The following UTRN variants were observed in gnomAD, a reference collection of about 807,000 sequenced individuals.
UTRN encodes the protein dystrophin-related protein 1.
Under a neutral mutation model 463.9 loss-of-function variants are expected in UTRN, and 283 were observed. The observed-to-expected ratio is 0.61, with a 90% confidence interval of 0.55 to 0.67. The LOEUF is 0.67. Among genes scored for constraint, UTRN ranks in the 30% least tolerant of loss-of-function variants. The pLI is 0.00. For synonymous variants in UTRN, 1,442 were observed against 1,431.5 expected, an observed-to-expected ratio of 1.01 and a Z score of -0.17; for missense variants, 3,922 against 4,084.3, an observed-to-expected ratio of 0.96 and a Z score of 1.08.
chr6:144,465,900 G>A (rs114977816), intron 23 of UTRN, among the ~76,000 whole-genome samples: 80 of 152,236 alleles, frequency 5.3e-4, no homozygotes, highest in African/African-American at 1.8e-3. Context: ...TAGTTAACTC[G>A]TTTATTTTTA....
chr6:144,839,027 G>T lies in UTRN; in HGVS notation c.10066-146G>T, dbSNP rs1781334424. 3 of 576,248 alleles carry T rather than the reference G, an allele frequency of 5.2e-6. No individual in the cohort carries two copies. The East Asian group carries it at 9.2e-5, about 18-fold the overall frequency. The allele number at this position is 576,248 out of a possible 1,614,324, so 35.7% of individuals were successfully genotyped here. A position where few individuals can be genotyped will look rare whatever the true frequency, so the allele number is the denominator to read the frequency against. ...GGACCAAAGCCCCCACCAAGCTGAT[G>T]CTAAAATGTATGGAAAACATCTGAA... On this transcript the variant is annotated intron_variant, in intron 71 of 74. Transcript: ENST00000367545.
rs1803637932 is a variant in UTRN at position 144,286,157 on chromosome 6, C to G, written c.-93+336C>G. Among the ~76,000 whole-genome samples the G allele has an allele frequency of 6.6e-6, 1 of 152,206 alleles. No individual in the cohort carries two copies. The highest frequency in any genetic ancestry group is 2.4e-5 in the African/African-American group (1 of 41,456). On this transcript the variant is annotated intron_variant, in intron 1 of 74. Coordinates refer to ENST00000367545, the MANE Select transcript of UTRN (RefSeq NM_007124.3). The surrounding 1 kb of genome is among the most constrained non-coding windows in gnomAD (Gnocchi z 4.4). ...TCCCTGCTCCCCTAATCTTCCTCCC[C>G]GCCGGGGTGACAGAGTCGCCCTCCG...
intron 22 of UTRN, among the ~76,000 whole-genome samples, chr6:144,461,808 T>C (rs1342138988): frequency 2.6e-5 from 4 of 152,212 alleles, no homozygotes; most frequent in Non-Finnish European, 5.9e-5. Context: ...GGGTTGAGAA[T>C]ACACTGTATT....
chr6:144,382,525 G>A (rs774049132), intron 2 of UTRN, among the ~76,000 whole-genome samples: 3 of 152,182 alleles, frequency 2.0e-5, no homozygotes, highest in Non-Finnish European at 4.4e-5. Context: ...CATGATGACA[G>A]TTGGGTTTTA....
chr6:144,477,014 G>T (rs1208771538), intron 25 of UTRN, among the ~76,000 whole-genome samples: 1 of 152,156 alleles, frequency 6.6e-6, no homozygotes, highest in African/African-American at 2.4e-5. Context: ...AAAAATGATG[G>T]TGCAGAAAGA....
At chr6:144,341,877 A>T (rs1777162153) in intron 2 of UTRN, among the ~76,000 whole-genome samples, 1 of 152,226 alleles carries the variant, frequency 6.6e-6, no homozygotes, top group Admixed American at 6.5e-5. Context: ...AGCTGGTATG[A>T]ACCCATACAG....
chr6:144,785,095 A>C (rs1353463715), intron 61 of UTRN, among the ~76,000 whole-genome samples: 2 of 152,230 alleles, frequency 1.3e-5, no homozygotes, highest in Non-Finnish European at 2.9e-5. Flanking sequence ...CTTTTCAACC[A>C]ATAATTTTCT....
intron 39 of UTRN, 90 bp from the exon 40 acceptor site, chr6:144,521,890 T>C: frequency 1.8e-5 from 16 of 877,276 alleles, no homozygotes; most frequent in Non-Finnish European, 2.4e-5. Flanking sequence ...ATTGCATTCC[T>C]TCACACAATA....
intron 51 of UTRN, among the ~76,000 whole-genome samples, chr6:144,637,396 TATAAA>T (rs938773924): frequency 2.4e-4 from 37 of 151,490 alleles, no homozygotes; most frequent in Non-Finnish European, 4.4e-4. Context: ...ACTTCTAAAT[TATAAA>T]ATAAAATTAT....
intron 2 of UTRN, chr6:144,343,952 C>G (rs1369156958): frequency 8.4e-6 from 2 of 237,778 alleles, no homozygotes; most frequent in Non-Finnish European, 1.7e-5. Context: ...AATAGAGGCC[C>G]TTAGTTGTGA....
At chr6:144,592,968 A>G (rs535281869) in intron 51 of UTRN, among the ~76,000 whole-genome samples, 3 of 152,308 alleles carry the variant, frequency 2.0e-5, no homozygotes, top group Non-Finnish European at 4.4e-5. Flanking sequence ...GGATGCAACA[A>G]ATACAGTATA....
intron 51 of UTRN, among the ~76,000 whole-genome samples, chr6:144,609,253 A>G (rs768490835): frequency 6.6e-6 from 1 of 152,240 alleles, no homozygotes; most frequent in Admixed American, 6.5e-5. Flanking sequence ...GAAAAAAGAT[A>G]TTTCACACAC....
At chr6:144,747,113 A>C (rs1790836362) in intron 54 of UTRN, among the ~76,000 whole-genome samples, 2 of 152,224 alleles carry the variant, frequency 1.3e-5, no homozygotes, top group South Asian at 4.1e-4. Flanking sequence ...GGTGAAGTTC[A>C]TCTTATGATG....
chr6:144,799,569 G>T, intron 64 of UTRN: 1 of 461,884 alleles, frequency 2.2e-6, no homozygotes, highest in Non-Finnish European at 4.5e-6. Flanking sequence ...TAGCTGGAAT[G>T]TGGCAAGGTC....
chr6:144,417,679 T>A (rs1784469569), intron 3 of UTRN, among the ~76,000 whole-genome samples: 1 of 152,212 alleles, frequency 6.6e-6, no homozygotes, highest in South Asian at 2.1e-4. Context: ...CATGTGGGAA[T>A]TATGTGAAAT....
At position 144,548,729 on chromosome 6, in the gene UTRN, G is replaced by C. The variant is rs771488750; in HGVS notation, c.6685G>C (p.Ala2229Pro). 2 of 1,614,000 alleles carry C rather than the reference G, an allele frequency of 1.2e-6. No individual in the cohort carries two copies. Among genetic ancestry groups the C allele is most frequent in the South Asian group, 2.2e-5 (2 of 91,070 alleles). ...TCGTACTTCGGAAATTTCAATTCCTGCTGATCTTGATAAAACTATAACAGA... is the reference window on the plus strand; with the variant it reads ...TCGTACTTCGGAAATTTCAATTCCTCCTGATCTTGATAAAACTATAACAGA... ...SHRTSEISIP[A>P]DLDKTITELA... Residue 2229 changes from alanine to proline, a missense_variant, in exon 47 of 75, where the codon GCT (alanine) becomes CCT (proline). Transcript: ENST00000367545.
intron 11 of UTRN, among the ~76,000 whole-genome samples, chr6:144,438,482 A>G (rs548292897): frequency 6.6e-6 from 1 of 152,376 alleles, no homozygotes; most frequent in South Asian, 2.1e-4. Flanking sequence ...TTTAATAAGC[A>G]GGAATTCCTG....
Position 144,516,838 on chromosome 6 carries a change from G to A in UTRN, c.5431G>A (p.Glu1811Lys), listed in dbSNP as rs775901855. 1.3e-6 allele frequency: 2 copies of A among 1,503,772 alleles called. No individual in the cohort carries two copies. Among genetic ancestry groups the A allele is most frequent in the Non-Finnish European group, 8.8e-7 (1 of 1,131,482 alleles). 93.2% of individuals were successfully genotyped at this position (1,503,772 alleles called of 1,614,324 possible). A position where few individuals can be genotyped will look rare whatever the true frequency, so the allele number is the denominator to read the frequency against. The change falls in exon 39 of 75, where the codon GAA (glutamate) becomes AAA (lysine). Residue 1811 changes from glutamate to lysine, a missense_variant. Physicochemically the swap from Glu to Lys is moderately conservative, Grantham distance 56. Coordinates refer to ENST00000367545, the MANE Select transcript of UTRN (RefSeq NM_007124.3). Reference protein sequence around the residue: ...KMDEESAQIEEVLQRGEEMLH... With the variant: ...KMDEESAQIEKVLQRGEEMLH... ...GGATGAGGAGAGTGCCCAGATTGAG[G>A]AAGTTCTACAAAGAGGAGAAGAAAT...
chr6:144,670,320 T>C (rs548575509), intron 51 of UTRN, among the ~76,000 whole-genome samples: 1 of 152,172 alleles, frequency 6.6e-6, no homozygotes, highest in Non-Finnish European at 1.5e-5. Flanking sequence ...ATGGCCATTC[T>C]TGCAGGAGTA....
Sources: gnomAD v4.1 joint callset for allele counts (sites outside exome capture counted in the v4.1 genomes callset) on GRCh38, gnomAD v4.1.1 for gene constraint, Gnocchi (gnomAD v3.1) non-coding constraint, MANE v1.5 for transcripts, NCBI Gene and HGNC (gene_info 2026-07-23, HGNC 2026-07-21) for gene names.